MYO7B: variants seen among roughly 807,000 people sequenced by gnomAD.
MYO7B encodes the protein unconventional myosin-VIIb.
MYO7B carries 212 observed loss-of-function variants against 259.7 expected under a neutral mutation model. That is an observed-to-expected ratio of 0.82 (90% CI 0.73 to 0.91). The LOEUF is 0.91. Among genes scored for constraint, MYO7B ranks in the 40% least tolerant of loss-of-function variants. The pLI, the probability that MYO7B is intolerant of heterozygous loss-of-function variation, is 0.00. For missense variants in MYO7B, 2,732 were observed against 2,813.5 expected, an observed-to-expected ratio of 0.97 and a Z score of 0.66; for synonymous variants, 1,197 against 1,166.4, an observed-to-expected ratio of 1.03 and a Z score of -0.54.
At chr2:127,548,857 A>G (rs924714563) in intron 1 of MYO7B, among the ~76,000 whole-genome samples, 1 of 152,170 alleles carries the variant, frequency 6.6e-6, no homozygotes, top group Non-Finnish European at 1.5e-5. Flanking sequence ...TGTGTTATTT[A>G]GAAATATGTT....
At chr2:127,587,664 CTTCA>C (rs1558818483) in intron 14 of MYO7B, among the ~76,000 whole-genome samples, 3 of 150,788 alleles carry the variant, frequency 2.0e-5, no homozygotes, top group African/African-American at 7.3e-5. Flanking sequence ...TGCCTCCGGG[CTTCA>C]AGCGATTCTC....
intron 1 of MYO7B, among the ~76,000 whole-genome samples, chr2:127,549,692 A>T (rs540793605): frequency 8.5e-5 from 13 of 152,256 alleles, no homozygotes; most frequent in African/African-American, 2.9e-4. Context: ...TATCTGAGGG[A>T]CATGTCCAGG....
chr2:127,602,341 A>G (rs768538980), intron 19 of MYO7B, among the ~76,000 whole-genome samples: 6 of 152,176 alleles, frequency 3.9e-5, no homozygotes, highest in Non-Finnish European at 7.3e-5. Flanking sequence ...CTCTACATAC[A>G]TGTAGAATGA....
At chr2:127,566,423 T>C (rs1212236098) in intron 4 of MYO7B, among the ~76,000 whole-genome samples, 8 of 152,250 alleles carry the variant, frequency 5.3e-5, no homozygotes, top group African/African-American at 1.9e-4. Flanking sequence ...ATATGTTCCC[T>C]GGGAGCTCAC....
chr2:127,602,780 C>T (rs933363060), intron 19 of MYO7B, among the ~76,000 whole-genome samples: 1 of 152,188 alleles, frequency 6.6e-6, no homozygotes, highest in Non-Finnish European at 1.5e-5. Context: ...AGGTGGCTCA[C>T]TTGAGCTCAG....
intron 7 of MYO7B, among the ~76,000 whole-genome samples, chr2:127,574,944 C>A (rs1436256517): frequency 6.6e-6 from 1 of 151,642 alleles, no homozygotes; most frequent in Non-Finnish European, 1.5e-5. Flanking sequence ...ATTAATGCAC[C>A]TGTGTGTGTG....
chr2:127,632,943 C>G (rs1387624747), intron 39 of MYO7B, among the ~76,000 whole-genome samples: 1 of 152,172 alleles, frequency 6.6e-6, no homozygotes, highest in East Asian at 1.9e-4. Flanking sequence ...GTCCCTGGCC[C>G]CTGCCCGATG....
At position 127,615,545 on chromosome 2, in the gene MYO7B, T is replaced by C. The variant is rs1267510647; in HGVS notation, c.3398+2942T>C. On this transcript the variant is annotated intron_variant, in intron 26 of 47. Transcript: ENST00000409816. This position sits in a 1 kb window ranked among gnomAD's most constrained non-coding sequence, Gnocchi z 4.4. ...AGGTAACGATTGGTCAGCTGCTTAA[T>C]TGATCACAGGTTCATAGTATTACTA... Among the ~76,000 whole-genome samples, 2 of 152,124 alleles carry C rather than the reference T, an allele frequency of 1.3e-5. No homozygotes were observed. The highest frequency in any genetic ancestry group is 2.4e-5 in the African/African-American group (1 of 41,410).
At chr2:127,632,504 C>G (rs1681578969) in intron 39 of MYO7B, 103 bp downstream of exon 39, 1 of 1,399,566 alleles carries the variant, frequency 7.1e-7, no homozygotes, top group Admixed American at 2.6e-5. Context: ...CCTGGGAGGA[C>G]TCTCCAGAAG....
intron 39 of MYO7B, 62 bp downstream of exon 39, chr2:127,632,463 G>A (rs1050782986): frequency 8.8e-6 from 13 of 1,485,498 alleles, no homozygotes; most frequent in Admixed American, 2.4e-5. Flanking sequence ...GGATGCTGTG[G>A]GGCCTGGCCA....
chr2:127,569,558 G>A (rs1678498339), intron 5 of MYO7B, among the ~76,000 whole-genome samples: 1 of 152,088 alleles, frequency 6.6e-6, no homozygotes, highest in African/African-American at 2.4e-5. Context: ...GTGTGCCAAG[G>A]AACTTGCAGC....
chr2:127,542,234 T>C (rs1693033945), intron 1 of MYO7B, among the ~76,000 whole-genome samples: 1 of 152,216 alleles, frequency 6.6e-6, no homozygotes, highest in Non-Finnish European at 1.5e-5. Context: ...AAGAGGGGCA[T>C]ACCCTTCTTC....
intron 19 of MYO7B, 85 bp downstream of exon 19, chr2:127,596,641 C>T: frequency 8.7e-7 from 1 of 1,145,038 alleles, no homozygotes; most frequent in East Asian, 2.5e-5. Flanking sequence ...ACCAGGATCA[C>T]ATGTTCCCGC....
At chr2:127,608,320 C>T (rs1680236105) in intron 21 of MYO7B, among the ~76,000 whole-genome samples, 1 of 152,216 alleles carries the variant, frequency 6.6e-6, no homozygotes, top group African/African-American at 2.4e-5. Flanking sequence ...GTTACTGCAG[C>T]CCCTGGGGAC....
chr2:127,631,655 G>A lies in MYO7B; in HGVS notation c.5151G>A (p.Glu1717=), dbSNP rs1249251579. 5.6e-6 allele frequency: 9 copies of A among 1,612,994 alleles called. No individual in the cohort carries two copies. In the Admixed American group the frequency reaches 6.7e-5, roughly 12 times the overall value. The part of the protein sequence containing the change: ...YPSRQAWPTL[E]LTDQIFTLAL... ...CTCGGCAGGCCTGGCCCACCCTGGA[G>A]CTCACCGACCAGATCTTCACACTGG... The change falls in exon 38 of 48, where the codon GAG becomes GAA. Residue 1717 remains glutamate, a synonymous_variant. Coordinates refer to ENST00000409816, the MANE Select transcript of MYO7B (RefSeq NM_001393586.1).
chr2:127,563,525 C>G (rs376591839), intron 2 of MYO7B, among the ~76,000 whole-genome samples: 4 of 152,238 alleles, frequency 2.6e-5, no homozygotes, highest in African/African-American at 9.6e-5. Flanking sequence ...GGAAGACCTG[C>G]AAATATGGTG....
intron 16 of MYO7B, among the ~76,000 whole-genome samples, chr2:127,592,437 A>G (rs920489687): frequency 7.2e-5 from 11 of 152,334 alleles, no homozygotes; most frequent in East Asian, 1.9e-4. Flanking sequence ...TTTTAAAAAA[A>G]GCATTTTAAA....
At position 127,593,529 on chromosome 2, in the gene MYO7B, C is replaced by G. The variant is rs756332682; in HGVS notation, c.2146-17C>G. The G allele has an allele frequency of 1.5e-5, 24 of 1,611,154 alleles. No individual in the cohort carries two copies. Among genetic ancestry groups the G allele is most frequent in the Non-Finnish European group, 1.8e-5 (21 of 1,178,408 alleles). On this transcript the variant is annotated splice_polypyrimidine_tract_variant and intron_variant, in intron 17 of 47. Transcript: ENST00000409816. ...TCTGCCCCACCTCCCACCGATACCC[C>G]CGTTTGGTCTTGGCAGCTGCAAGGC...
intron 6 of MYO7B, among the ~76,000 whole-genome samples, chr2:127,571,441 AG>A (rs1460576875): frequency 3.9e-3 from 68 of 17,630 alleles, no homozygotes; most frequent in African/African-American, 0.015. Context: ...CTTACCAGTG[AG>A]TTTTTTTTTT....
Sources: gnomAD v4.1 joint callset for allele counts (sites outside exome capture counted in the v4.1 genomes callset) on GRCh38, gnomAD v4.1.1 for gene constraint, Gnocchi (gnomAD v3.1) non-coding constraint, MANE v1.5 for transcripts, NCBI Gene and HGNC (gene_info 2026-07-23, HGNC 2026-07-21) for gene names.